Variants in PRKG1 observed in about 807,000 individuals in gnomAD.
PRKG1 encodes the protein protein kinase cGMP-dependent 1, also known as cGMP-dependent protein kinase 1.
In PRKG1, 35 loss-of-function variants were observed where a neutral mutation model predicts 88.1. The ratio of observed to expected loss-of-function variants is 0.40; its 90% CI spans 0.30 to 0.53. The LOEUF (loss-of-function observed/expected upper bound fraction) is 0.53. Among genes scored for constraint, PRKG1 ranks in the 20% least tolerant of loss-of-function variants. The pLI, the probability that PRKG1 is intolerant of heterozygous loss-of-function variation, is 0.59. For synonymous variants in PRKG1, 303 were observed against 292.5 expected (o/e 1.04, Z -0.37); for missense variants, 540 against 839.8 (o/e 0.64, Z 4.41).
intron 3 of PRKG1, among the ~76,000 whole-genome samples, chr10:51,579,601 A>C (rs1004922449): frequency 2.0e-5 from 3 of 152,162 alleles, no homozygotes; most frequent in African/African-American, 7.2e-5. Flanking sequence ...ACAAAGTCAC[A>C]AATGGAAGAG....
intron 3 of PRKG1, among the ~76,000 whole-genome samples, chr10:51,616,103 C>T (rs1226823153): frequency 6.6e-6 from 1 of 152,194 alleles, no homozygotes; most frequent in Non-Finnish European, 1.5e-5. Flanking sequence ...ATTATTTCCT[C>T]AGTGACTTAC....
intron 5 of PRKG1, among the ~76,000 whole-genome samples, chr10:51,994,575 G>C (rs1904050): frequency 5.3e-5 from 8 of 152,006 alleles, no homozygotes; most frequent in Middle Eastern, 3.4e-3. Flanking sequence ...TCAGGTGTGA[G>C]AGCATAAACT....
At chr10:51,946,116 T>G (rs2133041548) in intron 5 of PRKG1, among the ~76,000 whole-genome samples, 1 of 152,220 alleles carries the variant, frequency 6.6e-6, no homozygotes, top group Non-Finnish European at 1.5e-5. Flanking sequence ...GTAGATTTGG[T>G]CTTCTCACAT....
At chr10:52,120,214 G>T (rs1040590870) in intron 7 of PRKG1, among the ~76,000 whole-genome samples, 1 of 152,118 alleles carries the variant, frequency 6.6e-6, no homozygotes, top group Non-Finnish European at 1.5e-5. Context: ...ACCTCTTAAA[G>T]ATCCCACCAC....
At chr10:51,027,047 GGATCCCAGTGCAAAA>G (rs1269208991) in intron 1 of PRKG1, among the ~76,000 whole-genome samples, 119 of 152,190 alleles carry the variant, frequency 7.8e-4, no homozygotes, top group Non-Finnish European at 5.9e-5. Flanking sequence ...CATAAGTTTT[GGATCCCAGTGCAAAA>G]TGAAATGTGA....
intron 5 of PRKG1, among the ~76,000 whole-genome samples, chr10:51,940,604 T>C (rs2133027934): frequency 6.6e-6 from 1 of 151,994 alleles, no homozygotes; most frequent in East Asian, 1.9e-4. Flanking sequence ...TCACCAAAGC[T>C]GAGTGGGATC....
intron 2 of PRKG1, among the ~76,000 whole-genome samples, chr10:51,444,478 A>T (rs1839213300): frequency 6.6e-6 from 1 of 151,926 alleles, no homozygotes; most frequent in Non-Finnish European, 1.5e-5. Context: ...GCTACAATCA[A>T]GTAAGTTCAA....
chr10:52,023,107 T>C (rs1196804119), intron 5 of PRKG1, among the ~76,000 whole-genome samples: 6 of 152,096 alleles, frequency 3.9e-5, no homozygotes, highest in Non-Finnish European at 8.8e-5. Flanking sequence ...TGATGTTTCC[T>C]TTCCTGTGTC....
chr10:51,212,133 A>G (rs1838238597), intron 2 of PRKG1, among the ~76,000 whole-genome samples: 1 of 152,138 alleles, frequency 6.6e-6, no homozygotes, highest in Non-Finnish European at 1.5e-5. Context: ...GACCAATGGA[A>G]CAGAACAGAG....
Position 51,850,499 on chromosome 10 carries a change from A to ATATATG in PRKG1, c.698+45827_698+45832dup, listed in dbSNP as rs374383814. Among the ~76,000 whole-genome samples, 541 of 151,378 alleles carry ATATATG rather than the reference A, an allele frequency of 3.6e-3. 5 individuals are homozygous for ATATATG. Among genetic ancestry groups the ATATATG allele is most frequent in the African/African-American group, 0.011 (475 of 41,364 alleles). ...GCCCATGTTGCAATTTTATATATAT[A>ATATATG]TATATGTATATGTATATGTATATAT... On this transcript the variant is annotated intron_variant, in intron 4 of 17. Coordinates refer to ENST00000373980, the MANE Select transcript of PRKG1 (RefSeq NM_006258.4).
chr10:51,958,921 C>T (rs558775504), intron 5 of PRKG1, among the ~76,000 whole-genome samples: 2 of 152,188 alleles, frequency 1.3e-5, no homozygotes, highest in East Asian at 3.9e-4. Flanking sequence ...TATGTTAAAA[C>T]CTAAATGGTG....
At chr10:51,226,978 C>T (rs1425479723) in intron 2 of PRKG1, among the ~76,000 whole-genome samples, 1 of 152,008 alleles carries the variant, frequency 6.6e-6, no homozygotes, top group Non-Finnish European at 1.5e-5. Flanking sequence ...TGACATTTTC[C>T]ACTAGGCATT....
At chr10:51,982,844 T>C (rs2133112243) in intron 5 of PRKG1, among the ~76,000 whole-genome samples, 1 of 152,338 alleles carries the variant, frequency 6.6e-6, no homozygotes, top group African/African-American at 2.4e-5. Context: ...ACTCATTGGC[T>C]GCAGCAGGGT....
intron 7 of PRKG1, among the ~76,000 whole-genome samples, chr10:52,109,266 A>G (rs1847498684): frequency 6.6e-6 from 1 of 152,208 alleles, no homozygotes; most frequent in Admixed American, 6.5e-5. Flanking sequence ...TTTCTGAAAC[A>G]TAAAATTTGG....
intron 1 of PRKG1, among the ~76,000 whole-genome samples, chr10:51,017,449 A>C (rs750192329): frequency 6.6e-6 from 1 of 152,232 alleles, no homozygotes; most frequent in Non-Finnish European, 1.5e-5. Context: ...TAAATAATTA[A>C]AACCTTGTTT....
chr10:51,985,865 C>T (rs897019263), intron 5 of PRKG1, among the ~76,000 whole-genome samples: 2 of 152,018 alleles, frequency 1.3e-5, no homozygotes, highest in African/African-American at 4.8e-5. Context: ...CCTGTTAGAC[C>T]CGTTGCAAGT....
At chr10:51,774,894 T>G (rs1838395184) in intron 3 of PRKG1, among the ~76,000 whole-genome samples, 1 of 152,150 alleles carries the variant, frequency 6.6e-6, no homozygotes, top group African/African-American at 2.4e-5. Context: ...GATAAACCTT[T>G]TAAGACATTT....
intron 2 of PRKG1, among the ~76,000 whole-genome samples, chr10:51,222,129 C>CA (rs1479558049): frequency 8.9e-5 from 11 of 123,554 alleles, no homozygotes; most frequent in Non-Finnish European, 1.6e-4. Flanking sequence ...CGCGCCCCCC[C>CA]CCGACCCCAG....
chr10:52,072,290 G>C (rs1383097003), intron 7 of PRKG1, among the ~76,000 whole-genome samples: 1 of 150,688 alleles, frequency 6.6e-6, no homozygotes, highest in Admixed American at 6.7e-5. Context: ...ACAATGTCTG[G>C]TGGGAATTTT....
Sources: allele counts gnomAD v4.1 joint callset (sites outside exome capture counted in the v4.1 genomes callset), GRCh38; gene constraint gnomAD v4.1.1; transcripts MANE v1.5; gene names NCBI Gene and HGNC (gene_info 2026-07-23, HGNC 2026-07-21).